NBEA: variants seen among roughly 807,000 people sequenced by gnomAD.
NBEA encodes the protein lysosomal-trafficking regulator 2.
NBEA carries 44 observed loss-of-function variants against 343.4 expected under a neutral mutation model. That is an observed-to-expected ratio of 0.13 (90% CI 0.10 to 0.16). NBEA has a LOEUF of 0.16. Ranked by LOEUF, NBEA falls within the 10% of genes least tolerant of loss-of-function variation. The probability of loss-of-function intolerance (pLI) is 1.00; values close to 1 mark genes in which losing one functional copy is unlikely to be tolerated. For synonymous variants in NBEA, 1,175 were observed against 1,238.7 expected, an observed-to-expected ratio of 0.95 and a Z score of 1.08; for missense variants, 2,555 against 3,631.3, an observed-to-expected ratio of 0.70 and a Z score of 7.62.
At chr13:35,336,052 T>C (rs1249322270) in intron 36 of NBEA, among the ~76,000 whole-genome samples, 1 of 152,042 alleles carries the variant, frequency 6.6e-6, no homozygotes, top group East Asian at 1.9e-4. Flanking sequence ...GTTTTTTCTA[T>C]CCAGGAATTT....
intron 10 of NBEA, among the ~76,000 whole-genome samples, chr13:35,092,372 G>A (rs1046391334): frequency 1.3e-5 from 2 of 151,904 alleles, no homozygotes; most frequent in Non-Finnish European, 2.9e-5. Context: ...GATAAATTTC[G>A]TTTTGACTTT....
chr13:35,400,241 T>G (rs981722386), intron 38 of NBEA, among the ~76,000 whole-genome samples: 18 of 141,672 alleles, frequency 1.3e-4, no homozygotes, highest in Non-Finnish European at 2.6e-4. Flanking sequence ...GTGAGTACAT[T>G]AAAGTAAAGA....
intron 17 of NBEA, among the ~76,000 whole-genome samples, chr13:35,133,586 T>G (rs1309349601): frequency 6.6e-6 from 1 of 152,010 alleles, no homozygotes; most frequent in Non-Finnish European, 1.5e-5. Context: ...AACAGATAAA[T>G]AAACTAAGGT....
intron 34 of NBEA, among the ~76,000 whole-genome samples, chr13:35,258,540 T>TA (rs144726188): frequency 0.47 from 69,859 of 148,614 alleles, 18,944 homozygotes; most frequent in Non-Finnish European, 0.6. Context: ...TTACTGGCCA[T>TA]AAAAAAAAAA....
At chr13:35,543,224 C>T (rs530357544) in intron 41 of NBEA, among the ~76,000 whole-genome samples, 7 of 152,134 alleles carry the variant, frequency 4.6e-5, no homozygotes, top group Non-Finnish European at 8.8e-5. Flanking sequence ...ATAGTTAACA[C>T]ATGCACATAT....
chr13:35,099,469 G>A (rs2065524924), intron 11 of NBEA, among the ~76,000 whole-genome samples: 2 of 151,984 alleles, frequency 1.3e-5, no homozygotes, highest in South Asian at 4.2e-4. Context: ...CAGCGTGCTG[G>A]GATTACAGGC....
chr13:35,639,612 A>G (rs2083846694), intron 49 of NBEA, among the ~76,000 whole-genome samples: 1 of 152,164 alleles, frequency 6.6e-6, no homozygotes, highest in African/African-American at 2.4e-5. Context: ...TGTAAGTAAG[A>G]GCTATACAGT....
At chr13:35,259,300 C>T (rs1432318360) in intron 34 of NBEA, among the ~76,000 whole-genome samples, 1 of 152,142 alleles carries the variant, frequency 6.6e-6, no homozygotes, top group Non-Finnish European at 1.5e-5. Context: ...TAATGAACTA[C>T]ATTGACTGCA....
chr13:35,606,294 GAATT>G (rs1001825101), intron 47 of NBEA, 128 bp from the exon 48 acceptor site: 5 of 429,712 alleles, frequency 1.2e-5, no homozygotes, highest in Non-Finnish European at 1.9e-5. Flanking sequence ...GAATAGAATA[GAATT>G]AATTCATAAA....
intron 41 of NBEA, among the ~76,000 whole-genome samples, chr13:35,500,434 T>C (rs1405854164): frequency 1.3e-5 from 2 of 152,122 alleles, no homozygotes; most frequent in Non-Finnish European, 2.9e-5. Flanking sequence ...CCTTTACTGA[T>C]GGAGGCTCAG....
chr13:35,354,808 G>A (rs748292883), intron 38 of NBEA, among the ~76,000 whole-genome samples: 1 of 152,038 alleles, frequency 6.6e-6, no homozygotes, highest in South Asian at 2.1e-4. Context: ...CTACTAATAT[G>A]TTGATAACTC....
intron 36 of NBEA, among the ~76,000 whole-genome samples, chr13:35,336,537 G>A (rs1288460763): frequency 6.6e-6 from 1 of 151,892 alleles, no homozygotes; most frequent in East Asian, 1.9e-4. Flanking sequence ...ATACCCAAAG[G>A]AATATAAATT....
intron 34 of NBEA, among the ~76,000 whole-genome samples, chr13:35,247,868 G>T (rs75097791): frequency 6.6e-6 from 1 of 151,754 alleles, no homozygotes; most frequent in African/African-American, 2.4e-5. Context: ...AAAACCTTTA[G>T]CTTGATTTAG....
intron 10 of NBEA, among the ~76,000 whole-genome samples, chr13:35,075,903 T>G (rs1357138700): frequency 1.3e-5 from 2 of 151,982 alleles, no homozygotes; most frequent in African/African-American, 2.4e-5. Flanking sequence ...GAAAATCCTT[T>G]ATCTGACCAT....
At chr13:35,130,981 C>A (rs2067391670) in intron 17 of NBEA, among the ~76,000 whole-genome samples, 1 of 151,574 alleles carries the variant, frequency 6.6e-6, no homozygotes, top group African/African-American at 2.4e-5. Flanking sequence ...CTAAATGATA[C>A]TAGAGAAAAT....
intron 38 of NBEA, among the ~76,000 whole-genome samples, chr13:35,429,799 A>ATGTGTG (rs1361806369): frequency 5.3e-5 from 2 of 38,092 alleles, no homozygotes; most frequent in African/African-American, 2.0e-4. Flanking sequence ...TGAGTCCCCA[A>ATGTGTG]CGTGTGTGTG....
At chr13:35,065,943 T>G (rs2063635096) in intron 8 of NBEA, among the ~76,000 whole-genome samples, 1 of 152,144 alleles carries the variant, frequency 6.6e-6, no homozygotes, top group Admixed American at 6.6e-5. Context: ...GTTTGGTCTA[T>G]TCAGGGAATG....
At chr13:35,111,433 CA>C (rs1593379431) in intron 13 of NBEA, among the ~76,000 whole-genome samples, 1 of 150,504 alleles carries the variant, frequency 6.6e-6, no homozygotes, top group East Asian at 1.9e-4. Flanking sequence ...TCTAATTATA[CA>C]AAAAATATAG....
At chr13:35,656,868 G>A (rs902493124) in intron 55 of NBEA, among the ~76,000 whole-genome samples, 1 of 152,098 alleles carries the variant, frequency 6.6e-6, no homozygotes, top group African/African-American at 2.4e-5. Context: ...AATTTTTCAG[G>A]AAACCTGTGC....
Sources: gnomAD v4.1 joint callset for allele counts (sites outside exome capture counted in the v4.1 genomes callset) on GRCh38, gnomAD v4.1.1 for gene constraint, MANE v1.5 for transcripts, NCBI Gene and HGNC (gene_info 2026-07-23, HGNC 2026-07-21) for gene names.